The following MED13L variants were observed in gnomAD, a reference collection of about 807,000 sequenced individuals.
MED13L encodes the protein mediator complex subunit 13L, also known as mediator of RNA polymerase II transcription subunit 13-like.
In MED13L, 7 loss-of-function variants were observed where a neutral mutation model predicts 220.9. The ratio of observed to expected loss-of-function variants is 0.03; its 90% CI spans 0.02 to 0.06. The LOEUF (loss-of-function observed/expected upper bound fraction) is 0.06, where lower values mean the gene tolerates loss of function less well. Ranked by LOEUF, MED13L falls within the 10% of genes least tolerant of loss-of-function variation. MED13L has a pLI of 1.00. For synonymous variants in MED13L, 1,011 were observed against 1,015.2 expected (o/e 1.00, Z 0.08); for missense variants, 1,965 against 2,760.5 (o/e 0.71, Z 6.46).
At chr12:116,193,835 A>G (rs879816656) in intron 2 of MED13L, among the ~76,000 whole-genome samples, 3 of 152,200 alleles carry the variant, frequency 2.0e-5, no homozygotes, top group Non-Finnish European at 2.9e-5. Context: ...GTAACTCACA[A>G]GTAAACCGAT....
At chr12:115,972,463 T>C (rs945953812) in intron 25 of MED13L, 6 of 536,906 alleles carry the variant, frequency 1.1e-5, no homozygotes, top group African/African-American at 9.5e-5. Context: ...TGAAGTCATG[T>C]CTGAAATGAC....
At chr12:116,115,213 C>A (rs980175033) in intron 2 of MED13L, among the ~76,000 whole-genome samples, 3 of 152,204 alleles carry the variant, frequency 2.0e-5, no homozygotes, top group Admixed American at 2.0e-4. Flanking sequence ...AGAAAGGATA[C>A]ACATCAATAG....
intron 4 of MED13L, among the ~76,000 whole-genome samples, chr12:116,054,847 C>T (rs1868816084): frequency 1.3e-5 from 2 of 152,136 alleles, no homozygotes; most frequent in African/African-American, 4.8e-5. Context: ...CAATATTCCA[C>T]TCCTAGGTAT....
At chr12:116,200,706 C>T (rs1483265627) in intron 2 of MED13L, among the ~76,000 whole-genome samples, 1 of 152,170 alleles carries the variant, frequency 6.6e-6, no homozygotes, top group East Asian at 1.9e-4. Context: ...ACTTCAAAGA[C>T]TTCAAAGACT....
At chr12:116,058,416 TTACTG>T (rs199790233) in intron 4 of MED13L, among the ~76,000 whole-genome samples, 2,453 of 152,326 alleles carry the variant, frequency 0.016, 39 homozygotes, top group Middle Eastern at 0.031. Flanking sequence ...GCCTTTGTAA[TTACTG>T]TACTGATGAG....
intron 1 of MED13L, among the ~76,000 whole-genome samples, chr12:116,242,002 A>C (rs1239540817): frequency 6.7e-6 from 1 of 149,324 alleles, no homozygotes; most frequent in East Asian, 2.0e-4. Context: ...ATAGACCATG[A>C]TCATATTTAT....
intron 23 of MED13L, among the ~76,000 whole-genome samples, chr12:115,977,767 C>G (rs979185516): frequency 1.3e-5 from 2 of 152,120 alleles, no homozygotes; most frequent in Non-Finnish European, 2.9e-5. Context: ...GAGGCTGAGT[C>G]AGGCAGAATG....
intron 2 of MED13L, among the ~76,000 whole-genome samples, chr12:116,121,695 T>C (rs1387088092): frequency 6.6e-6 from 1 of 152,220 alleles, no homozygotes; most frequent in Non-Finnish European, 1.5e-5. Flanking sequence ...TTCCTTTTAA[T>C]GTATCATATT....
chr12:116,254,632 T>C (rs1043853543), intron 1 of MED13L, among the ~76,000 whole-genome samples: 10 of 151,880 alleles, frequency 6.6e-5, no homozygotes, highest in Non-Finnish European at 2.9e-5. Context: ...ACACCTGTAA[T>C]CCCAGCTACC....
At chr12:116,099,509 G>A (rs2137830591) in intron 3 of MED13L, among the ~76,000 whole-genome samples, 1 of 152,222 alleles carries the variant, frequency 6.6e-6, no homozygotes, top group South Asian at 2.1e-4. Flanking sequence ...CTCATGTCTT[G>A]AAGGTCAGAA....
chr12:116,172,608 T>C (rs1169293741), intron 2 of MED13L, among the ~76,000 whole-genome samples: 1 of 152,182 alleles, frequency 6.6e-6, no homozygotes, highest in Admixed American at 6.6e-5. Context: ...CACAGCATAG[T>C]GAAAAGTGTT....
intron 1 of MED13L, among the ~76,000 whole-genome samples, chr12:116,238,183 C>T (rs544051604): frequency 6.6e-6 from 1 of 152,112 alleles, no homozygotes; most frequent in African/African-American, 2.4e-5. Flanking sequence ...GCATGAAGTA[C>T]GAGAGTGTTT....
chr12:116,083,251 A>G (rs1871349535), intron 4 of MED13L, among the ~76,000 whole-genome samples: 1 of 151,988 alleles, frequency 6.6e-6, no homozygotes, highest in Admixed American at 6.6e-5. Context: ...TAAAAATACA[A>G]AAATTAGCTA....
intron 4 of MED13L, among the ~76,000 whole-genome samples, chr12:116,090,867 G>C (rs1310477179): frequency 6.6e-6 from 1 of 152,160 alleles, no homozygotes; most frequent in East Asian, 1.9e-4. Flanking sequence ...GCTGATGCCT[G>C]TAATCCCAGC....
chr12:116,269,950 TTTTC>T (rs757030282), intron 1 of MED13L, among the ~76,000 whole-genome samples: 10 of 151,648 alleles, frequency 6.6e-5, no homozygotes, highest in Non-Finnish European at 1.2e-4. Context: ...TACAAGGCAG[TTTTC>T]TTTTTTTTTT....
intron 2 of MED13L, among the ~76,000 whole-genome samples, chr12:116,114,842 G>T (rs1387482143): frequency 1.3e-5 from 2 of 152,154 alleles, no homozygotes; most frequent in South Asian, 2.1e-4. Flanking sequence ...ATTTTTTAAA[G>T]TACCATTTAC....
chr12:116,262,645 A>G (rs1038789658), intron 1 of MED13L, among the ~76,000 whole-genome samples: 1 of 152,250 alleles, frequency 6.6e-6, no homozygotes, highest in Non-Finnish European at 1.5e-5. Flanking sequence ...AACATTCATT[A>G]GAATAGTTTC....
intron 25 of MED13L, among the ~76,000 whole-genome samples, chr12:115,973,366 G>C (rs1177661152): frequency 6.6e-6 from 1 of 152,216 alleles, no homozygotes; most frequent in Non-Finnish European, 1.5e-5. Flanking sequence ...AAAGGAAGGA[G>C]CTGTAGATTA....
chr12:116,261,490 C>T (rs1872515246), intron 1 of MED13L, among the ~76,000 whole-genome samples: 2 of 133,574 alleles, frequency 1.5e-5, no homozygotes, highest in South Asian at 5.2e-4. Context: ...GAAACTCAGT[C>T]TCAAAAAAAA....
Sources: allele counts gnomAD v4.1 joint callset (sites outside exome capture counted in the v4.1 genomes callset), GRCh38; gene constraint gnomAD v4.1.1; transcripts MANE v1.5; gene names NCBI Gene and HGNC (gene_info 2026-07-23, HGNC 2026-07-21).